NCOR2: variants seen among roughly 807,000 people sequenced by gnomAD.
The protein encoded by NCOR2 is CTG repeat protein 26.
Under a neutral mutation model 262.9 loss-of-function variants are expected in NCOR2, and 81 were observed. The ratio of observed to expected loss-of-function variants is 0.31; its 90% confidence interval spans 0.26 to 0.37. The LOEUF (loss-of-function observed/expected upper bound fraction) is 0.37. NCOR2 is among the 10% of genes least tolerant of loss of function. NCOR2 has a pLI of 1.00. For missense variants in NCOR2, 3,385 were observed against 3,621.4 expected, an observed-to-expected ratio of 0.93 and a Z score of 1.68; for synonymous variants, 1,659 against 1,559.3, an observed-to-expected ratio of 1.06 and a Z score of -1.51.
intron 16 of NCOR2, among the ~76,000 whole-genome samples, chr12:124,393,294 G>A (rs553319482): frequency 4.6e-5 from 7 of 152,332 alleles, no homozygotes; most frequent in East Asian, 1.9e-4. Flanking sequence ...GGAGCTGCCC[G>A]GTTCCTGGGG....
At position 124,548,090 on chromosome 12, in the gene NCOR2, C is replaced by T. The variant is rs538842063; in HGVS notation, c.-164-12479G>A. On this transcript the variant is annotated intron_variant, in intron 1 of 32. Transcript: ENST00000458234. This position sits in a 1 kb window ranked among gnomAD's most constrained non-coding sequence, Gnocchi z 5.1. ...AGAGAGGGGCCTGGGGTGCCCCAGGCCGGGCAGGTCCCCTCCTATGGGACC... is the reference window on the plus strand; with the variant it reads ...AGAGAGGGGCCTGGGGTGCCCCAGGTCGGGCAGGTCCCCTCCTATGGGACC... Among the ~76,000 whole-genome samples, 66 of 151,980 alleles carry T rather than the reference C, an allele frequency of 4.3e-4. No homozygotes were observed. The highest frequency in any genetic ancestry group is 1.5e-3 in the African/African-American group (61 of 41,452).
At chr12:124,486,450 C>A (rs2047772034) in exon 2 of NCOR2, 3 of 1,612,632 alleles carry the variant, frequency 1.9e-6, no homozygotes, top group Non-Finnish European at 2.5e-6. Context: ...CCGTTCATTC[C>A]CGGGCTGGAA....
chr12:124,353,848 A>G (rs955336835), intron 27 of NCOR2, among the ~76,000 whole-genome samples: 1 of 152,022 alleles, frequency 6.6e-6, no homozygotes, highest in Non-Finnish European at 1.5e-5. Context: ...CAGCCTACTT[A>G]TTTACCCTGG....
At chr12:124,360,712 G>A (rs559089710) in intron 22 of NCOR2, among the ~76,000 whole-genome samples, 22 of 142,338 alleles carry the variant, frequency 1.5e-4, no homozygotes, top group Admixed American at 2.8e-4. Context: ...CACCCCGAGC[G>A]TGTTTCCACA....
chr12:124,327,522 GACTCTTCCC>G, exon 45 of NCOR2: 1 of 1,613,862 alleles, frequency 6.2e-7, no homozygotes. Context: ...GAGCGGCGGG[GACTCTTCCC>G]ACTGGTCATA....
At position 124,457,293 on chromosome 12, in the gene NCOR2, G is replaced by A; in HGVS notation, c.706-131C>T. ...CATGCTGATCCTCAGCACGGGGGAG[G>A]GAGGCCCGGGGCCCCCTGCAGGCCC... On this transcript the variant is annotated intron_variant, in intron 5 of 46. Transcript: ENST00000405201. This position sits in a 1 kb window ranked among gnomAD's most constrained non-coding sequence, Gnocchi z 4.0. 1.0e-6 allele frequency: 1 copy of A among 1,002,774 alleles called. No individual in the cohort carries two copies. Among genetic ancestry groups the A allele is most frequent in the Non-Finnish European group, 1.4e-6 (1 of 711,758 alleles). The allele number at this position is 1,002,774 out of a possible 1,614,324, so 62.1% of individuals were successfully genotyped here.
intron 9 of NCOR2, among the ~76,000 whole-genome samples, chr12:124,430,290 G>A (rs990920711): frequency 1.3e-5 from 2 of 152,198 alleles, no homozygotes; most frequent in Admixed American, 6.5e-5. Flanking sequence ...TCTTAGCCAC[G>A]TCTCTCCCCT....
intron 16 of NCOR2, among the ~76,000 whole-genome samples, chr12:124,391,444 C>T (rs753035810): frequency 6.6e-6 from 1 of 152,148 alleles, no homozygotes; most frequent in Non-Finnish European, 1.5e-5. Context: ...GGAAAAGAAC[C>T]CAGCCGTCTT....
rs1039039496 is a variant in NCOR2, at chr12:124,523,948, G to A, written c.-118+11617C>T. Reference sequence around the variant, plus strand: ...GTCTCCAAGAATGTCAGGCCCCACTGGAGACATGGTATTGTTCTCTGAGAA... The same window carrying A: ...GTCTCCAAGAATGTCAGGCCCCACTAGAGACATGGTATTGTTCTCTGAGAA... On this transcript the variant is annotated intron_variant, in intron 1 of 46. Transcript: ENST00000404621. The surrounding 1 kb of genome is among the most constrained non-coding windows in gnomAD (Gnocchi z 4.0). Among the ~76,000 whole-genome samples, 1 of 152,210 alleles carries A rather than the reference G, an allele frequency of 6.6e-6. No homozygotes were observed. Among genetic ancestry groups the A allele is most frequent in the Non-Finnish European group, 1.5e-5 (1 of 68,034 alleles).
At chr12:124,350,676 G>C (rs371001060) in exon 28 of NCOR2, 1 of 1,613,576 alleles carries the variant, frequency 6.2e-7, no homozygotes, top group Admixed American at 1.7e-5. Flanking sequence ...CAAGCGACTC[G>C]GGCTGTCCTC....
chr12:124,496,632 G>A (rs929959696), upstream of NCOR2, among the ~76,000 whole-genome samples: 1 of 152,178 alleles, frequency 6.6e-6, no homozygotes, highest in Non-Finnish European at 1.5e-5. The surrounding 1 kb of genome is among the most constrained non-coding windows in gnomAD (Gnocchi z 4.4). Flanking sequence ...AGCCCTTGGA[G>A]GCCTAATGTG....
exon 17 of NCOR2, chr12:124,385,855 T>C (rs756278258): frequency 9.3e-6 from 15 of 1,613,768 alleles, no homozygotes; most frequent in Non-Finnish European, 1.3e-5. Context: ...ATCCGGGCGA[T>C]GGCCGACCAG....
At chr12:124,388,776 G>C in intron 16 of NCOR2, 1 of 1,303,752 alleles carries the variant, frequency 7.7e-7, no homozygotes, top group Non-Finnish European at 1.0e-6. Flanking sequence ...TGGGCCGGCA[G>C]GCTGGGCGGC....
At chr12:124,382,768 T>C (rs932365672) in intron 17 of NCOR2, among the ~76,000 whole-genome samples, 1 of 152,224 alleles carries the variant, frequency 6.6e-6, no homozygotes, top group African/African-American at 2.4e-5. Context: ...GGCTGCTGAA[T>C]GGACAGTGAG....
chr12:124,490,967 G>A (rs906319762), intron 1 of NCOR2, among the ~76,000 whole-genome samples: 3 of 152,220 alleles, frequency 2.0e-5, no homozygotes, highest in Admixed American at 1.3e-4. Context: ...GAAACAGACC[G>A]GTCCTTCCCA....
At chr12:124,370,332 G>T (rs1287654000) in intron 20 of NCOR2, among the ~76,000 whole-genome samples, 1 of 152,248 alleles carries the variant, frequency 6.6e-6, no homozygotes, top group African/African-American at 2.4e-5. Flanking sequence ...GGGACCCTGA[G>T]ATTTTGTTTT....
At chr12:124,441,527 C>T (rs915349942) in intron 7 of NCOR2, among the ~76,000 whole-genome samples, 2 of 152,282 alleles carry the variant, frequency 1.3e-5, no homozygotes, top group East Asian at 3.9e-4. Flanking sequence ...GTCATTAGAA[C>T]GCAGTAATAA....
Position 124,418,671 on chromosome 12 carries a change from G to A in NCOR2, c.1482+1286C>T, listed in dbSNP as rs1021942633. On this transcript the variant is annotated intron_variant, in intron 13 of 46. Transcript: ENST00000405201. The stretch of plus-strand genomic sequence containing the variant: ...CGGGCCTGGGCTTGACACAAAGTGG[G>A]CTTTAGGCCTCAGGTCCACACAAAG... Among the ~76,000 whole-genome samples, 3 of 151,702 alleles carry A rather than the reference G, an allele frequency of 2.0e-5. No homozygotes were observed. The East Asian group carries it at 5.8e-4, about 29-fold the overall frequency.
chr12:124,552,771 C>T (rs1361150542), intron 1 of NCOR2, among the ~76,000 whole-genome samples: 1 of 152,166 alleles, frequency 6.6e-6, no homozygotes, highest in East Asian at 1.9e-4. Flanking sequence ...TCACTGCAGC[C>T]TCCAACTCCA....
Sources: gnomAD v4.1 joint callset for allele counts (sites outside exome capture counted in the v4.1 genomes callset) on GRCh38, gnomAD v4.1.1 for gene constraint, Gnocchi (gnomAD v3.1) non-coding constraint, MANE v1.5 for transcripts, NCBI Gene and HGNC (gene_info 2026-07-23, HGNC 2026-07-21) for gene names.